The following ABCA9 variants were observed in gnomAD, a reference collection of about 807,000 sequenced individuals.
ABCA9 encodes the protein ATP binding cassette subfamily A member 9, also known as ATP-binding cassette sub-family A member 9.
Under a neutral mutation model 205.3 loss-of-function variants are expected in ABCA9, and 183 were observed. That is an observed-to-expected ratio of 0.89 (90% CI 0.79 to 1.01). The LOEUF is 1.01. Among genes scored for constraint, ABCA9 ranks in the 50% least tolerant of loss-of-function variants. The pLI is 0.00. For missense variants in ABCA9, 1,805 were observed against 1,912.4 expected (o/e 0.94, Z 1.05); for synonymous variants, 651 against 683.3 (o/e 0.95, Z 0.74).
chr17:68,993,821 T>C (rs749377589), intron 26 of ABCA9, among the ~76,000 whole-genome samples: 4 of 152,104 alleles, frequency 2.6e-5, no homozygotes, highest in Non-Finnish European at 4.4e-5. Context: ...CTTTCAATAA[T>C]TGCACCTCAT....
chr17:69,005,145 C>T (rs1318414674), intron 25 of ABCA9, among the ~76,000 whole-genome samples: 2 of 152,200 alleles, frequency 1.3e-5, no homozygotes, highest in East Asian at 3.9e-4. Context: ...TTGGCTCGTC[C>T]CTCCTGGCTT....
At position 69,027,392 on chromosome 17, in the gene ABCA9, T is replaced by G. The variant is rs766731306; in HGVS notation, c.1849A>C (p.Asn617His). 1.2e-6 allele frequency: 2 copies of G among 1,613,224 alleles called. No individual in the cohort carries two copies. The highest frequency in any genetic ancestry group is 2.7e-5 in the African/African-American group (2 of 74,918). ...MENIQDILAQ[N>H]LSGGQNRKLT... ...TTCCTATTTTGTCCACCACTTAAGT[T>G]TTGAGCAAGGATGTCTTGAATATTT... The change falls in exon 14 of 39, where the codon AAC (asparagine) becomes CAC (histidine). Residue 617 changes from asparagine to histidine, a missense_variant. Coordinates refer to ENST00000340001, the MANE Select transcript of ABCA9 (RefSeq NM_080283.4).
intron 23 of ABCA9, among the ~76,000 whole-genome samples, chr17:69,010,031 T>C (rs909670572): frequency 6.6e-6 from 1 of 152,156 alleles, no homozygotes; most frequent in African/African-American, 2.4e-5. Context: ...CTAACAAAAA[T>C]AGCTCTTAGG....
intron 6 of ABCA9, among the ~76,000 whole-genome samples, chr17:69,040,002 T>C (rs922530003): frequency 6.6e-6 from 1 of 152,088 alleles, no homozygotes; most frequent in African/African-American, 2.4e-5. Flanking sequence ...AAAACCACAA[T>C]GAGATACCAT....
chr17:68,982,636 G>A lies in ABCA9; in HGVS notation c.4646C>T (p.Ser1549Phe). The A allele has an allele frequency of 6.2e-7, 1 of 1,613,736 alleles. No individual in the cohort carries two copies. The highest frequency in any genetic ancestry group is 8.5e-7 in the Non-Finnish European group (1 of 1,179,690). The change falls in exon 37 of 39, where the codon TCC (serine) becomes TTC (phenylalanine). Residue 1549 changes from serine to phenylalanine, a missense_variant. Transcript: ENST00000340001. ...AGGCAACTTATAGACCATCAGGGAGGAGAACCTGCGAAGAGAAGACAGTGA... is the reference window on the plus strand; with the variant it reads ...AGGCAACTTATAGACCATCAGGGAGAAGAACCTGCGAAGAGAAGACAGTGA... ...FPQAAQQERF[S>F]SLMVYKLPVE...
In ABCA9 at chr17:69,007,720, G is replaced by A; in HGVS notation, c.3435+39C>T. 3.9e-6 allele frequency: 5 copies of A among 1,281,028 alleles called. No individual in the cohort carries two copies. The South Asian group carries it at 5.0e-5, about 13-fold the overall frequency. The allele number at this position is 1,281,028 out of a possible 1,614,324, so 79.4% of individuals were successfully genotyped here. On this transcript the variant is annotated intron_variant, in intron 25 of 38. Coordinates refer to ENST00000340001, the MANE Select transcript of ABCA9 (RefSeq NM_080283.4). Reference sequence around the variant, plus strand: ...AGATTAAACATGTTCTTGGATTTATGAAAAATGGTAAAATAATAGGTAGTA... The same window carrying A: ...AGATTAAACATGTTCTTGGATTTATAAAAAATGGTAAAATAATAGGTAGTA...
At chr17:69,058,792 T>A (rs967210396) in intron 1 of ABCA9, among the ~76,000 whole-genome samples, 1 of 151,582 alleles carries the variant, frequency 6.6e-6, no homozygotes, top group Admixed American at 6.6e-5. Context: ...TGAGCCGAGA[T>A]TCCGCCACTG....
At position 69,028,878 on chromosome 17, in the gene ABCA9, G is replaced by C. The variant is rs1478993371; in HGVS notation, c.1505-233C>G. Among the ~76,000 whole-genome samples, 5 of 152,164 alleles carry C rather than the reference G, an allele frequency of 3.3e-5. No individual in the cohort carries two copies. The East Asian group carries it at 7.7e-4, about 23-fold the overall frequency. On this transcript the variant is annotated intron_variant, in intron 11 of 38. Transcript: ENST00000340001. The stretch of plus-strand genomic sequence containing the variant: ...ATAAAAGCAGTTTTGTCAATAAATA[G>C]AGGCTAACAATAATACAATTTTAGA...
chr17:68,979,314 C>T (rs1400021453), intron 37 of ABCA9, among the ~76,000 whole-genome samples: 1 of 152,090 alleles, frequency 6.6e-6, no homozygotes, highest in African/African-American at 2.4e-5. Flanking sequence ...ACGTTCCATG[C>T]TCATGGGTAG....
the ABCA9 span, among the ~76,000 whole-genome samples, chr17:69,073,144 A>T: frequency 6.6e-6 from 1 of 152,210 alleles, no homozygotes; most frequent in East Asian, 1.9e-4. Context: ...TTCACACAAT[A>T]ATAGTGGCAG....
At chr17:69,021,713 C>A in intron 18 of ABCA9, 29 bp downstream of exon 18, 1 of 1,387,784 alleles carries the variant, frequency 7.2e-7, no homozygotes, top group South Asian at 1.3e-5. Flanking sequence ...TTCTTTCTCC[C>A]TTTCTTTCTC....
intron 1 of ABCA9, among the ~76,000 whole-genome samples, chr17:69,056,946 T>C (rs1449295111): frequency 6.6e-6 from 1 of 152,242 alleles, no homozygotes; most frequent in Non-Finnish European, 1.5e-5. Flanking sequence ...CTCATAGTTT[T>C]AACTAGTGTT....
rs2070615804 is a variant in ABCA9, at chr17:69,016,404, A to G, written c.2902-14T>C. The G allele has an allele frequency of 1.3e-6, 2 of 1,566,602 alleles. No homozygotes were observed. The highest frequency in any genetic ancestry group is 1.7e-6 in the Non-Finnish European group (2 of 1,162,862). On this transcript the variant is annotated splice_polypyrimidine_tract_variant and intron_variant, in intron 21 of 38. Coordinates refer to ENST00000340001, the MANE Select transcript of ABCA9 (RefSeq NM_080283.4). ...AAATCTGTGATCCTGAAATACAACAAGTACCAATTCGAAGTCTTCATAAAG... is the reference window on the plus strand; with the variant it reads ...AAATCTGTGATCCTGAAATACAACAGGTACCAATTCGAAGTCTTCATAAAG...
rs781674297 is a variant in ABCA9 at position 69,060,853 on chromosome 17, G to A, written c.-14+13C>T. ...TATATGCAAAATAACCACAATTTTA[G>A]AGGTTAACTTACTCTCAGGAAAGCT... is the stretch of plus-strand genomic sequence containing the variant. On this transcript the variant is annotated intron_variant, in intron 1 of 38. Transcript: ENST00000340001. 1.2e-5 allele frequency: 12 copies of A among 985,004 alleles called. No individual in the cohort carries two copies. The highest frequency in any genetic ancestry group is 3.5e-5 in the African/African-American group (2 of 57,196). 61.0% of individuals were successfully genotyped at this position (985,004 alleles called of 1,614,324 possible). A position where few individuals can be genotyped will look rare whatever the true frequency, so the allele number is the denominator to read the frequency against.
chr17:69,023,300 C>T lies in ABCA9; in HGVS notation c.2281+914G>A, dbSNP rs992974269. ...TTTATTTATATTTAATATTTCAATA[C>T]ATTTGAAGGTATTAAATCATTTAAT... is the stretch of plus-strand genomic sequence containing the variant. On this transcript the variant is annotated intron_variant, in intron 17 of 38. Coordinates refer to ENST00000340001, the MANE Select transcript of ABCA9 (RefSeq NM_080283.4). The surrounding 1 kb of genome is among the most constrained non-coding windows in gnomAD (Gnocchi z 4.2). 3.9e-5 allele frequency: 6 copies of T among 152,136 alleles called. No individual in the cohort carries two copies. Among genetic ancestry groups the T allele is most frequent in the Non-Finnish European group, 5.9e-5 (4 of 68,020 alleles). The allele number at this position is 152,136 out of a possible 1,614,324, so 9.4% of individuals were successfully genotyped here. A position where few individuals can be genotyped will look rare whatever the true frequency, so the allele number is the denominator to read the frequency against.
At chr17:68,978,295 C>A (rs1014245949) in intron 37 of ABCA9, among the ~76,000 whole-genome samples, 11 of 152,074 alleles carry the variant, frequency 7.2e-5, no homozygotes, top group Non-Finnish European at 1.6e-4. Context: ...GCAACCCCTG[C>A]CTTTTTTTTG....
At chr17:68,982,842 A>C (rs1031984560) in intron 36 of ABCA9, among the ~76,000 whole-genome samples, 1 of 152,084 alleles carries the variant, frequency 6.6e-6, no homozygotes, top group Non-Finnish European at 1.5e-5. Flanking sequence ...CCATCTCCAC[A>C]AAAAAACTTA....
At chr17:69,050,398 A>G (rs1567973959) in intron 2 of ABCA9, among the ~76,000 whole-genome samples, 1 of 151,888 alleles carries the variant, frequency 6.6e-6, no homozygotes, top group African/African-American at 2.4e-5. Context: ...AGATGTTAAT[A>G]TAAGTTTTGA....
At position 69,027,039 on chromosome 17, in the gene ABCA9, CCT is replaced by C. The variant is rs766138379; in HGVS notation, c.1985_1986del (p.Glu662GlyfsTer16). ...SRHRIWNLLK[E>X]GKSDRVILFS... ...AAGAGAATTACTCTGTCTGATTTCC[CCT>C]CTTTCAGGAGATTCCATATTCGGTG... On this transcript the variant is annotated frameshift_variant, in exon 15 of 39. Transcript: ENST00000340001. LOFTEE classifies it high-confidence loss of function. 6.2e-7 allele frequency: 1 copy of C among 1,614,146 alleles called. No individual in the cohort carries two copies. Among genetic ancestry groups the C allele is most frequent in the Non-Finnish European group, 8.5e-7 (1 of 1,179,994 alleles).
Sources: allele counts gnomAD v4.1 joint callset (sites outside exome capture counted in the v4.1 genomes callset), GRCh38; gene constraint gnomAD v4.1.1; non-coding constraint Gnocchi (gnomAD v3.1); transcripts MANE v1.5; gene names NCBI Gene and HGNC (gene_info 2026-07-23, HGNC 2026-07-21).